Variants in LINGO2 observed in about 807,000 individuals in gnomAD.
The protein encoded by LINGO2 is leucine-rich repeat and immunoglobulin-like domain-containing nogo receptor-interacting protein 2.
In LINGO2, 14 loss-of-function variants were observed where a neutral mutation model predicts 30.6. The observed-to-expected ratio is 0.46, with a 90% CI of 0.30 to 0.72. LINGO2 has a LOEUF of 0.72. LINGO2 is among the 30% of genes least tolerant of loss of function. The pLI is 0.07. For missense variants in LINGO2, 729 were observed against 751.7 expected, an observed-to-expected ratio of 0.97 and a Z score of 0.35; for synonymous variants, 317 against 288.5, an observed-to-expected ratio of 1.10 and a Z score of -1.00.
At position 28,368,643 on chromosome 9, in the gene LINGO2, T is replaced by C. The variant is rs186381085; in HGVS notation, c.-246+4193A>G. 1.2e-3 allele frequency among the ~76,000 whole-genome samples: 174 copies of C among 150,748 alleles called. No individual in the cohort carries two copies. The Middle Eastern group carries it at 0.027, about 24-fold the overall frequency. ...ACGGAGTCTCGCTTTGTAGCCCAGG[T>C]TGGAGTGCAGTGGCGCTATCTCGGC... On this transcript the variant is annotated intron_variant, in intron 3 of 5. Transcript: ENST00000379992.
chr9:28,542,473 G>A (rs192292752), intron 1 of LINGO2, among the ~76,000 whole-genome samples: 18 of 152,004 alleles, frequency 1.2e-4, no homozygotes, highest in East Asian at 1.9e-4. Context: ...AGTGAATTGC[G>A]GATTTCTTCC....
the LINGO2 span, among the ~76,000 whole-genome samples, chr9:28,788,281 G>A: frequency 6.6e-6 from 1 of 152,148 alleles, no homozygotes; most frequent in African/African-American, 2.4e-5. Flanking sequence ...CTACACTACA[G>A]TGAACTGTGT....
At position 28,189,273 on chromosome 9, in the gene LINGO2, AAGGG is replaced by A. The variant is rs1412279132; in HGVS notation, c.-87+105931_-87+105934del. ...GAAGGGAGGAAGGAAGGGAGGGAGGAAGGGAGGGAGGGAGGGAGGAAGGAAGGAA... is the reference window on the plus strand; with the variant it reads ...GAAGGGAGGAAGGAAGGGAGGGAGGAAGGGAGGGAGGGAGGAAGGAAGGAA... On this transcript the variant is annotated intron_variant, in intron 4 of 5. Coordinates refer to ENST00000379992, the Ensembl canonical transcript of LINGO2. 3.8e-3 allele frequency among the ~76,000 whole-genome samples: 178 copies of A among 46,680 alleles called. 5 individuals carry two copies. The highest frequency in any genetic ancestry group is 9.3e-3 in the African/African-American group (112 of 12,030). The allele number at this position is 46,680 out of a possible 152,430, so 30.6% of individuals were successfully genotyped here.
chr9:28,599,636 C>A (rs1183945933), intron 1 of LINGO2, among the ~76,000 whole-genome samples: 2 of 152,032 alleles, frequency 1.3e-5, no homozygotes, highest in Non-Finnish European at 2.9e-5. Flanking sequence ...CTTTTCTTCT[C>A]TGTAAAGAGA....
At chr9:28,103,612 ATAAG>A (rs1826480755) in intron 4 of LINGO2, among the ~76,000 whole-genome samples, 2 of 152,210 alleles carry the variant, frequency 1.3e-5, no homozygotes, top group African/African-American at 4.8e-5. Flanking sequence ...CCTCAGCCAC[ATAAG>A]TGAGTCCAAC....
chr9:28,984,854 A>G, the LINGO2 span, among the ~76,000 whole-genome samples: 1 of 152,200 alleles, frequency 6.6e-6, no homozygotes, highest in Non-Finnish European at 1.5e-5. Flanking sequence ...TCAAGTATTT[A>G]TTATTTTTGT....
rs988737213 is a variant in LINGO2 at position 28,148,339 on chromosome 9, C to T, written c.-86-135934G>A. 2 of 936,054 alleles carry T rather than the reference C, an allele frequency of 2.1e-6. No individual in the cohort carries two copies. Among genetic ancestry groups the T allele is most frequent in the South Asian group, 1.4e-5 (1 of 72,104 alleles). 58.0% of individuals were successfully genotyped at this position (936,054 alleles called of 1,614,324 possible). A position where few individuals can be genotyped will look rare whatever the true frequency, so the allele number is the denominator to read the frequency against. ...ACAACTCCAGGATGTTTGGACACCT[C>T]AGCCCCGTGAGGATTCCTCATCTCA... On this transcript the variant is annotated intron_variant, in intron 4 of 5. Transcript: ENST00000379992. The surrounding 1 kb of genome is among the most constrained non-coding windows in gnomAD (Gnocchi z 5.1).
At chr9:28,393,985 C>T (rs1415027760) in intron 2 of LINGO2, among the ~76,000 whole-genome samples, 1 of 134,192 alleles carries the variant, frequency 7.5e-6, no homozygotes, top group African/African-American at 2.7e-5. Flanking sequence ...TGGTTGATAA[C>T]TTGTACTAAC....
At chr9:27,946,274 G>C (rs1450310599), downstream of LINGO2, among the ~76,000 whole-genome samples, 1 of 152,066 alleles carries the variant, frequency 6.6e-6, no homozygotes, top group Non-Finnish European at 1.5e-5. Context: ...GCATTTCCCT[G>C]ATAGACTGGT....
At chr9:28,334,007 G>A (rs574400184) in intron 3 of LINGO2, among the ~76,000 whole-genome samples, 10 of 152,232 alleles carry the variant, frequency 6.6e-5, no homozygotes, top group African/African-American at 1.9e-4. Flanking sequence ...TTTATCTAAC[G>A]CTGATTTATA....
At chr9:28,035,878 GAACACACACACACA>G (rs1367658965) in intron 4 of LINGO2, among the ~76,000 whole-genome samples, 162 of 112,726 alleles carry the variant, frequency 1.4e-3, no homozygotes, top group African/African-American at 4.9e-3. Flanking sequence ...AATGATAGCA[GAACACACACACACA>G]AACACACACA....
At chr9:28,444,228 G>A (rs747145523) in intron 2 of LINGO2, among the ~76,000 whole-genome samples, 28 of 152,292 alleles carry the variant, frequency 1.8e-4, no homozygotes, top group Non-Finnish European at 2.6e-4. Flanking sequence ...TGGCCAGCTC[G>A]CTGAGCTGCA....
chr9:28,277,850 C>CAAAAAAAAAAAAAAAAAAAAAAAA (rs35288673), intron 4 of LINGO2, among the ~76,000 whole-genome samples: 1 of 135,974 alleles, frequency 7.4e-6, no homozygotes, highest in African/African-American at 2.9e-5. Flanking sequence ...AAAAAAAAAA[C>CAAAAAAAAAAAAAAAAAAAAAAAA]AAAAAAAAAA....
intron 5 of LINGO2, among the ~76,000 whole-genome samples, chr9:27,959,967 C>T (rs1029899925): frequency 2.6e-5 from 4 of 151,792 alleles, no homozygotes; most frequent in African/African-American, 7.3e-5. Context: ...AGCACATGCT[C>T]GATTTCTGAT....
At chr9:28,073,800 G>C (rs530181656) in intron 4 of LINGO2, among the ~76,000 whole-genome samples, 2 of 152,300 alleles carry the variant, frequency 1.3e-5, no homozygotes, top group South Asian at 4.1e-4. Context: ...AGCTGAAGTA[G>C]GAGGATGGGT....
At chr9:28,342,436 G>A (rs1268957524) in intron 3 of LINGO2, among the ~76,000 whole-genome samples, 2 of 152,052 alleles carry the variant, frequency 1.3e-5, no homozygotes, top group African/African-American at 2.4e-5. Flanking sequence ...TACAATTCTA[G>A]TCTCAGTCAT....
intron 4 of LINGO2, among the ~76,000 whole-genome samples, chr9:28,161,662 C>A (rs963079145): frequency 2.0e-5 from 3 of 151,784 alleles, no homozygotes; most frequent in Admixed American, 6.6e-5. Flanking sequence ...AGGAAACCAG[C>A]TAGCATGTTG....
the LINGO2 span, among the ~76,000 whole-genome samples, chr9:28,883,618 A>ATGTGTG: frequency 0.016 from 564 of 36,196 alleles, 44 homozygotes; most frequent in African/African-American, 0.021. Context: ...TATATAAAAT[A>ATGTGTG]TGTGTGTGTG....
At chr9:28,133,030 C>G (rs936843130) in intron 4 of LINGO2, among the ~76,000 whole-genome samples, 1 of 151,924 alleles carries the variant, frequency 6.6e-6, no homozygotes, top group Non-Finnish European at 1.5e-5. Flanking sequence ...TAAGAATAAG[C>G]AAGTTAAATG....
Sources: gnomAD v4.1 joint callset for allele counts (sites outside exome capture counted in the v4.1 genomes callset) on GRCh38, gnomAD v4.1.1 for gene constraint, Gnocchi (gnomAD v3.1) non-coding constraint, MANE v1.5 for transcripts, NCBI Gene and HGNC (gene_info 2026-07-23, HGNC 2026-07-21) for gene names.